The following GDA variants were observed in gnomAD, a reference collection of about 807,000 sequenced individuals.
GDA encodes the protein guanine deaminase.
In GDA, 18 loss-of-function variants were observed where a neutral mutation model predicts 59.6. The ratio of observed to expected loss-of-function variants is 0.30; its 90% confidence interval spans 0.21 to 0.45. GDA has a LOEUF of 0.45. GDA is among the 20% of genes least tolerant of loss of function. The pLI, the probability that GDA is intolerant of heterozygous loss-of-function variation, is 1.00. For missense variants in GDA, 427 were observed against 552.3 expected, an observed-to-expected ratio of 0.77 and a Z score of 2.27; for synonymous variants, 201 against 201.1, an observed-to-expected ratio of 1.00 and a Z score of 0.00.
chr9:72,160,461 C>T (rs1018053385), intron 1 of GDA, among the ~76,000 whole-genome samples: 5 of 152,178 alleles, frequency 3.3e-5, no homozygotes, highest in East Asian at 1.9e-4. Context: ...CTGGATATTT[C>T]GGATAGATGG....
At chr9:72,150,343 A>G (rs1034786639) in intron 1 of GDA, among the ~76,000 whole-genome samples, 11 of 149,016 alleles carry the variant, frequency 7.4e-5, no homozygotes, top group Admixed American at 1.3e-4. Flanking sequence ...ACACGCACGC[A>G]CACACACACA....
At chr9:72,242,326 A>G (rs1277085529) in intron 11 of GDA, among the ~76,000 whole-genome samples, 1 of 152,246 alleles carries the variant, frequency 6.6e-6, no homozygotes, top group Non-Finnish European at 1.5e-5. Flanking sequence ...AATATTGCTC[A>G]TCAACTTTTC....
chr9:72,203,079 C>T (rs1159751563), intron 3 of GDA, among the ~76,000 whole-genome samples: 2 of 152,112 alleles, frequency 1.3e-5, no homozygotes, highest in Non-Finnish European at 2.9e-5. Context: ...TTCTGAGGAC[C>T]ATATGGATTC....
intron 11 of GDA, among the ~76,000 whole-genome samples, chr9:72,242,066 C>G (rs956737358): frequency 6.6e-6 from 1 of 152,122 alleles, no homozygotes; most frequent in African/African-American, 2.4e-5. Context: ...TCCTCACCAC[C>G]ACTGTTATTC....
chr9:72,193,347 G>A (rs774454149), intron 1 of GDA, among the ~76,000 whole-genome samples: 19 of 152,240 alleles, frequency 1.2e-4, no homozygotes, highest in Admixed American at 1.2e-3. Flanking sequence ...GGCACCCCAA[G>A]CCCAGTAATA....
At chr9:72,198,846 GATATAT>G (rs141544036) in intron 2 of GDA, among the ~76,000 whole-genome samples, 1 of 128,574 alleles carries the variant, frequency 7.8e-6, no homozygotes, top group Admixed American at 7.4e-5. Flanking sequence ...TATATAGGGG[GATATAT>G]ATATATATAA....
At chr9:72,225,869 C>A in intron 8 of GDA, 85 bp downstream of exon 8, 1 of 641,416 alleles carries the variant, frequency 1.6e-6, no homozygotes, top group Non-Finnish European at 2.8e-6. Context: ...CTTCAGATTT[C>A]TGATATGAAT....
At chr9:72,117,630 A>T (rs1365164589) in intron 1 of GDA, among the ~76,000 whole-genome samples, 1 of 152,198 alleles carries the variant, frequency 6.6e-6, no homozygotes, top group Non-Finnish European at 1.5e-5. Context: ...ACCTTTTGTA[A>T]AAGTGAGGAA....
rs1164521273 is a variant in GDA at position 72,208,798 on chromosome 9, A to G, written c.385-1889A>G. 3.9e-5 allele frequency among the ~76,000 whole-genome samples: 6 copies of G among 152,314 alleles called. No homozygotes were observed. In the East Asian group the frequency reaches 1.2e-3, roughly 29 times the overall value. ...ACTCCTGTTGTGACAAACAACTTAT[A>G]TGTACTTGTGGGAAGACCTCCTTTT... On this transcript the variant is annotated intron_variant, in intron 3 of 13. Coordinates refer to ENST00000358399, the MANE Select transcript of GDA (RefSeq NM_004293.5).
intron 11 of GDA, among the ~76,000 whole-genome samples, chr9:72,243,826 A>G (rs913155554): frequency 6.6e-6 from 1 of 152,230 alleles, no homozygotes; most frequent in African/African-American, 2.4e-5. Flanking sequence ...AGTCGATTCA[A>G]TATTTTCACA....
chr9:72,198,405 G>C (rs991989770), intron 2 of GDA, among the ~76,000 whole-genome samples: 5 of 151,984 alleles, frequency 3.3e-5, no homozygotes, highest in African/African-American at 4.8e-5. Context: ...CGGGCATGGT[G>C]GTGGGCCCCT....
intron 1 of GDA, among the ~76,000 whole-genome samples, chr9:72,177,648 A>G (rs143171516): frequency 1.1e-4 from 16 of 152,296 alleles, no homozygotes; most frequent in African/African-American, 3.8e-4. Context: ...TTGTATAACT[A>G]ATAATACAGA....
At chr9:72,117,701 A>T (rs1005213411) in intron 1 of GDA, among the ~76,000 whole-genome samples, 65 of 152,336 alleles carry the variant, frequency 4.3e-4, no homozygotes, top group African/African-American at 1.5e-3. Flanking sequence ...AATGTGTCAC[A>T]TGTTGAGAAC....
Position 72,125,654 on chromosome 9 carries a change from T to C in GDA, c.-100+10821T>C, listed in dbSNP as rs188550887. ...TAAATTAATGATATAGTGGTATCAA[T>C]ATTTACCAGCCCATTCAACAACAAG... On this transcript the variant is annotated intron_variant, in intron 1 of 13. Coordinates refer to the GDA transcript ENST00000545168. Among the ~76,000 whole-genome samples the C allele has an allele frequency of 4.2e-3, 634 of 152,314 alleles. 3 individuals carry two copies. The highest frequency in any genetic ancestry group is 0.015 in the African/African-American group (616 of 41,566).
rs2131871658 is a variant in GDA at position 72,249,218 on chromosome 9, T to C, written c.*876T>C. 1.0e-6 allele frequency: 1 copy of C among 984,854 alleles called. No individual in the cohort carries two copies. Among genetic ancestry groups the C allele is most frequent in the Non-Finnish European group, 1.2e-6 (1 of 829,440 alleles). The allele number at this position is 984,854 out of a possible 1,614,324, so 61.0% of individuals were successfully genotyped here. On this transcript the variant is annotated 3_prime_UTR_variant, in exon 14 of 14. Transcript: ENST00000358399. ...TATGGAATTTATGTAGACTGGAGTC[T>C]TCGTGAACTGGGGCAAATGCTGGCA...
intron 1 of GDA, among the ~76,000 whole-genome samples, chr9:72,172,289 G>T (rs76331977): frequency 0.038 from 5,717 of 151,580 alleles, 133 homozygotes; most frequent in Middle Eastern, 0.09. Flanking sequence ...GATTTTGCTA[G>T]AAAAATAGAA....
In GDA at chr9:72,227,987, C is replaced by T. The variant is rs753477191; in HGVS notation, c.867C>T (p.Asn289=). The T allele has an allele frequency of 1.6e-5, 25 of 1,608,742 alleles. No homozygotes were observed. The highest frequency in any genetic ancestry group is 1.6e-4 in the Middle Eastern group (1 of 6,080). ...GCTACCTCTCTGCAGAAGAACTGAA[C>T]GTATTCCATGAACGAGGAGCATCCA... ...HGCYLSAEEL[N]VFHERGASIA... The change falls in exon 9 of 14, where the codon AAC becomes AAT. Residue 289 remains asparagine, a synonymous_variant. Transcript: ENST00000358399.
chr9:72,217,459 T>A (rs1170227346), intron 5 of GDA, among the ~76,000 whole-genome samples: 2 of 152,236 alleles, frequency 1.3e-5, no homozygotes, highest in Non-Finnish European at 2.9e-5. Flanking sequence ...ACACACTGCG[T>A]CGAATTAAAG....
At chr9:72,174,086 A>G (rs775898922) in intron 1 of GDA, among the ~76,000 whole-genome samples, 1 of 152,200 alleles carries the variant, frequency 6.6e-6, no homozygotes, top group Non-Finnish European at 1.5e-5. Context: ...ACTTCTAGAG[A>G]ATAAATTCTG....
Sources: gnomAD v4.1 joint callset for allele counts (sites outside exome capture counted in the v4.1 genomes callset) on GRCh38, gnomAD v4.1.1 for gene constraint, MANE v1.5 for transcripts, NCBI Gene and HGNC (gene_info 2026-07-23, HGNC 2026-07-21) for gene names.